The following FHIP1A variants were observed in gnomAD, a reference collection of about 807,000 sequenced individuals.
The protein encoded by FHIP1A is FHF complex subunit HOOK interacting protein 1A.
FHIP1A carries 61 observed loss-of-function variants against 88.6 expected under a neutral mutation model. The observed-to-expected ratio is 0.69, with a 90% CI of 0.56 to 0.85. The LOEUF (loss-of-function observed/expected upper bound fraction) is 0.85. Among genes scored for constraint, FHIP1A ranks in the 40% least tolerant of loss-of-function variants. The pLI, the probability that FHIP1A is intolerant of heterozygous loss-of-function variation, is 0.00. For missense variants in FHIP1A, 1,154 were observed against 1,273.5 expected, an observed-to-expected ratio of 0.91 and a Z score of 1.43; for synonymous variants, 478 against 496.0, an observed-to-expected ratio of 0.96 and a Z score of 0.48.
At position 151,664,511 on chromosome 4, in the gene FHIP1A, T is replaced by C. The variant is rs759722530; in HGVS notation, c.*1757T>C. Among the ~76,000 whole-genome samples the C allele has an allele frequency of 1.2e-3, 176 of 152,232 alleles. 1 individual carries two copies. The highest frequency in any genetic ancestry group is 1.8e-3 in the Non-Finnish European group (125 of 68,052). On this transcript the variant is annotated 3_prime_UTR_variant, in exon 14 of 14. Transcript: ENST00000435205. ...CAAAGATTCCTACTCACTGTACATT[T>C]CTGTTTGTCTTGACAAATGGTTTGC... is the stretch of plus-strand genomic sequence containing the variant.
At chr4:151,458,376 G>C (rs1371014184) in intron 2 of FHIP1A, among the ~76,000 whole-genome samples, 3 of 152,172 alleles carry the variant, frequency 2.0e-5, no homozygotes, top group Non-Finnish European at 4.4e-5. Context: ...TAAGGAGGAG[G>C]AAACAGCCTA....
intron 2 of FHIP1A, among the ~76,000 whole-genome samples, chr4:151,469,839 G>A (rs1729448454): frequency 1.3e-5 from 2 of 152,168 alleles, no homozygotes; most frequent in South Asian, 2.1e-4. Flanking sequence ...ATTTTAGGAT[G>A]TCGGGTCAGG....
intron 3 of FHIP1A, among the ~76,000 whole-genome samples, chr4:151,488,550 A>T (rs1416938663): frequency 1.3e-5 from 2 of 152,178 alleles, no homozygotes; most frequent in East Asian, 3.8e-4. Flanking sequence ...GTTGATGAGC[A>T]CCTAGGGTGA....
At chr4:151,659,311 G>C (rs899387293) in intron 13 of FHIP1A, among the ~76,000 whole-genome samples, 2 of 152,186 alleles carry the variant, frequency 1.3e-5, no homozygotes, top group African/African-American at 4.8e-5. Context: ...CTGACAGAAT[G>C]AGAGTTTCCT....
intron 3 of FHIP1A, among the ~76,000 whole-genome samples, chr4:151,523,735 A>G (rs1220780924): frequency 6.6e-6 from 1 of 152,094 alleles, no homozygotes; most frequent in Non-Finnish European, 1.5e-5. Flanking sequence ...CCTTCTCAAT[A>G]TGTGTTTGGT....
intron 13 of FHIP1A, 105 bp from the exon 14 acceptor site, chr4:151,662,396 A>T (rs1339419342): frequency 2.1e-5 from 26 of 1,259,656 alleles, no homozygotes; most frequent in Non-Finnish European, 2.7e-5. Context: ...TGCACTCATA[A>T]CTAGATACTC....
In FHIP1A at chr4:151,422,224, A is replaced by ATAT. The variant is rs1554076377; in HGVS notation, c.-356+12759_-356+12760insTAT. On this transcript the variant is annotated intron_variant, in intron 1 of 13. Coordinates refer to ENST00000435205, the MANE Select transcript of FHIP1A (RefSeq NM_001109977.3). Reference sequence around the variant, plus strand: ...ACAAATATTTATGAGACATTAAAAAAATATATATATATATTAACTCTTTCC... The same window carrying ATAT: ...ACAAATATTTATGAGACATTAAAAAATATATATATATATATATTAACTCTTTCC... 9.1e-3 allele frequency among the ~76,000 whole-genome samples: 1,373 copies of ATAT among 150,240 alleles called. 18 individuals are homozygous for ATAT. Among genetic ancestry groups the ATAT allele is most frequent in the African/African-American group, 0.031 (1,281 of 41,152 alleles).
intron 7 of FHIP1A, among the ~76,000 whole-genome samples, chr4:151,594,557 G>A (rs1019496810): frequency 2.0e-5 from 3 of 151,654 alleles, no homozygotes; most frequent in African/African-American, 7.3e-5. Flanking sequence ...TATTTCTGTG[G>A]GATGAGTGGT....
At chr4:151,581,014 C>T (rs1204849075) in intron 5 of FHIP1A, among the ~76,000 whole-genome samples, 2 of 152,144 alleles carry the variant, frequency 1.3e-5, no homozygotes, top group Non-Finnish European at 2.9e-5. Flanking sequence ...TGTGCCACCA[C>T]GCCCAGGTAA....
chr4:151,548,627 A>T (rs1245255601), intron 3 of FHIP1A, among the ~76,000 whole-genome samples: 5 of 152,130 alleles, frequency 3.3e-5, no homozygotes. Context: ...AATGTCAGAA[A>T]CTTACCCTAT....
chr4:151,642,499 C>A (rs1269136732), intron 9 of FHIP1A, among the ~76,000 whole-genome samples: 1 of 152,114 alleles, frequency 6.6e-6, no homozygotes, highest in African/African-American at 2.4e-5. Context: ...CCTGTAAAGC[C>A]TGCCAGCCTA....
chr4:151,578,606 G>A (rs1298616445), intron 5 of FHIP1A, among the ~76,000 whole-genome samples: 2 of 152,160 alleles, frequency 1.3e-5, no homozygotes, highest in African/African-American at 4.8e-5. Context: ...ACAAATGCTG[G>A]CAAGATGTGG....
rs1273829983 is a variant in FHIP1A at position 151,453,128 on chromosome 4, T to C, written c.-355-1573T>C. Among the ~76,000 whole-genome samples, 4 of 152,080 alleles carry C rather than the reference T, an allele frequency of 2.6e-5. No individual in the cohort carries two copies. The East Asian group carries it at 7.8e-4, about 29-fold the overall frequency. ...ACCTCCTGGGTTCAAGCGATTCTCT[T>C]GTCTCAGCCTCCCGAGTAGCTGGAT... On this transcript the variant is annotated intron_variant, in intron 1 of 13. Coordinates refer to ENST00000435205, the MANE Select transcript of FHIP1A (RefSeq NM_001109977.3).
chr4:151,616,902 C>A (rs1489526649), intron 7 of FHIP1A, among the ~76,000 whole-genome samples: 1 of 152,102 alleles, frequency 6.6e-6, no homozygotes, highest in Non-Finnish European at 1.5e-5. Flanking sequence ...CACGGGCCAC[C>A]ACACCCAGCT....
intron 5 of FHIP1A, among the ~76,000 whole-genome samples, chr4:151,579,500 G>A (rs927886905): frequency 6.6e-6 from 1 of 152,192 alleles, no homozygotes; most frequent in African/African-American, 2.4e-5. Flanking sequence ...TAATTCAATT[G>A]TGTAATTCTG....
intron 3 of FHIP1A, among the ~76,000 whole-genome samples, chr4:151,496,303 A>G (rs1475399942): frequency 6.6e-6 from 1 of 151,546 alleles, no homozygotes; most frequent in Non-Finnish European, 1.5e-5. Context: ...GCTGTTGAAA[A>G]CAAAAGCACC....
chr4:151,545,525 C>T (rs756111957), intron 3 of FHIP1A, among the ~76,000 whole-genome samples: 2 of 151,444 alleles, frequency 1.3e-5, no homozygotes, highest in African/African-American at 2.4e-5. Context: ...CTACAGGTGC[C>T]CACTGCCACG....
At chr4:151,515,630 A>C (rs918467649) in intron 3 of FHIP1A, among the ~76,000 whole-genome samples, 14 of 152,308 alleles carry the variant, frequency 9.2e-5, no homozygotes, top group Non-Finnish European at 1.6e-4. Flanking sequence ...TCAATGTACA[A>C]AAATCACAAG....
intron 3 of FHIP1A, among the ~76,000 whole-genome samples, chr4:151,532,525 C>T (rs776931782): frequency 3.3e-5 from 5 of 152,186 alleles, no homozygotes; most frequent in Admixed American, 6.5e-5. Context: ...AGTACTGGGG[C>T]ACTTTCAGGC....
Sources: allele counts gnomAD v4.1 joint callset (sites outside exome capture counted in the v4.1 genomes callset), GRCh38; gene constraint gnomAD v4.1.1; transcripts MANE v1.5; gene names NCBI Gene and HGNC (gene_info 2026-07-23, HGNC 2026-07-21).